The following ARID1B variants were observed in gnomAD, a reference collection of about 807,000 sequenced individuals.
ARID1B encodes AT-rich interactive domain-containing protein 1B.
ARID1B carries 30 observed loss-of-function variants against 212.3 expected under a neutral mutation model. That is an observed-to-expected ratio of 0.14 (90% CI 0.11 to 0.19). The LOEUF is 0.19. Among genes scored for constraint, ARID1B ranks in the 10% least tolerant of loss-of-function variants. ARID1B has a pLI of 1.00. For missense variants in ARID1B, 2,891 were observed against 3,204.0 expected, an observed-to-expected ratio of 0.90 and a Z score of 2.36; for synonymous variants, 1,402 against 1,301.7, an observed-to-expected ratio of 1.08 and a Z score of -1.66.
intron 2 of ARID1B, among the ~76,000 whole-genome samples, chr6:156,893,403 C>T (rs964848597): frequency 2.8e-4 from 42 of 152,216 alleles, no homozygotes; most frequent in African/African-American, 9.9e-4. Context: ...ACACCAAAAG[C>T]ATAGGCAACA....
At chr6:156,963,611 G>C (rs916785965) in intron 4 of ARID1B, among the ~76,000 whole-genome samples, 9 of 152,148 alleles carry the variant, frequency 5.9e-5, no homozygotes, top group African/African-American at 2.2e-4. Flanking sequence ...TTAGTGTTCA[G>C]AATGATACTT....
At chr6:157,147,018 T>A (rs1433199902) in intron 7 of ARID1B, among the ~76,000 whole-genome samples, 1 of 152,122 alleles carries the variant, frequency 6.6e-6, no homozygotes, top group Non-Finnish European at 1.5e-5. Flanking sequence ...TTCATGTGGT[T>A]ATTGGAAGAA....
intron 4 of ARID1B, among the ~76,000 whole-genome samples, chr6:157,042,829 T>G (rs1204396567): frequency 1.3e-5 from 2 of 152,014 alleles, no homozygotes; most frequent in Admixed American, 6.5e-5. Flanking sequence ...CAGCTAAGTT[T>G]TTTGTATTTT....
At chr6:157,112,326 A>C (rs1230484061) in intron 6 of ARID1B, among the ~76,000 whole-genome samples, 1 of 152,120 alleles carries the variant, frequency 6.6e-6, no homozygotes, top group Non-Finnish European at 1.5e-5. Flanking sequence ...AGAAGTTTAT[A>C]GTGTACTGGT....
intron 4 of ARID1B, among the ~76,000 whole-genome samples, chr6:156,982,613 C>G (rs1777674271): frequency 1.3e-5 from 2 of 151,864 alleles, no homozygotes; most frequent in South Asian, 4.1e-4. Context: ...ACTGATTTTT[C>G]TTTTCTGTTA....
Position 156,944,885 on chromosome 6 carries a change from C to A in ARID1B, c.2247+9309C>A, listed in dbSNP as rs1229534200. ...TTTTCCTGGAGAATGCCTCCTGCAT[C>A]CCCTGCAAGCTTTTTCTTCTTCTTC... On this transcript the variant is annotated intron_variant, in intron 4 of 19. Coordinates refer to ENST00000636930, the MANE Select transcript of ARID1B (RefSeq NM_001374828.1). Among the ~76,000 whole-genome samples the A allele has an allele frequency of 2.0e-5, 3 of 151,940 alleles. No individual in the cohort carries two copies. In the East Asian group the frequency reaches 5.8e-4, roughly 29 times the overall value.
intron 15 of ARID1B, among the ~76,000 whole-genome samples, chr6:157,191,541 G>A (rs962952405): frequency 6.6e-6 from 1 of 152,120 alleles, no homozygotes; most frequent in Non-Finnish European, 1.5e-5. Context: ...GAGTGCAGAA[G>A]TTTATGACTG....
intron 15 of ARID1B, among the ~76,000 whole-genome samples, chr6:157,193,317 C>T (rs963256764): frequency 4.6e-5 from 7 of 151,958 alleles, no homozygotes; most frequent in African/African-American, 1.2e-4. Flanking sequence ...AATGTTTCTG[C>T]GAAATAGATT....
Position 157,084,792 on chromosome 6 carries a change from A to G in ARID1B, c.2378A>G (p.His793Arg), listed in dbSNP as rs758625736. ...SNPAQSPFSPHASPHLSSIPG... is the reference protein window; with the variant it reads ...SNPAQSPFSPRASPHLSSIPG... The stretch of plus-strand genomic sequence containing the variant: ...CCGGCGCAGTCGCCTTTCTCCCCAC[A>G]TGCGTCCCCTCATCTCTCCAGCATC... The change falls in exon 5 of 20, where the codon CAT becomes CGT. Residue 793 changes from histidine (H) to arginine (R), a missense_variant. By Grantham distance (29) the His-to-Arg change is conservative. Coordinates refer to ENST00000636930, the MANE Select transcript of ARID1B (RefSeq NM_001374828.1). The G allele has an allele frequency of 6.2e-7, 1 of 1,613,918 alleles. No individual in the cohort carries two copies. Among genetic ancestry groups the G allele is most frequent in the South Asian group, 1.1e-5 (1 of 91,048 alleles).
chr6:157,152,181 A>C (rs1790246987), intron 8 of ARID1B: 1 of 152,218 alleles, frequency 6.6e-6, no homozygotes, highest in Non-Finnish European at 1.5e-5. Flanking sequence ...TACCAACTCC[A>C]GAGGCCTCTT....
intron 13 of ARID1B, chr6:157,185,232 A>T (rs1313748681): frequency 6.6e-6 from 1 of 152,280 alleles, no homozygotes; most frequent in East Asian, 1.9e-4. Flanking sequence ...TAAATGCAAT[A>T]GTAGAGAGGG....
At chr6:157,020,445 T>C (rs1780156755) in intron 4 of ARID1B, among the ~76,000 whole-genome samples, 2 of 152,196 alleles carry the variant, frequency 1.3e-5, no homozygotes, top group African/African-American at 4.8e-5. Context: ...CCTAAAAATA[T>C]ATATTTAATA....
Position 156,779,677 on chromosome 6 carries a change from T to G in ARID1B, c.1791+206T>G, listed in dbSNP as rs538765400. 1.3e-4 allele frequency: 39 copies of G among 291,630 alleles called. No homozygotes were observed. In the South Asian group the frequency reaches 2.9e-3, roughly 22 times the overall value. The allele number at this position is 291,630 out of a possible 1,614,324, so 18.1% of individuals were successfully genotyped here. On this transcript the variant is annotated intron_variant, in intron 1 of 19. Coordinates refer to ENST00000636930, the MANE Select transcript of ARID1B (RefSeq NM_001374828.1). Reference sequence around the variant, plus strand: ...GCGCGCTGTCCAGGCCTGGGAGGGCTTCGCCGGGCCGGGCCGGGCCGGGTG... The same window carrying G: ...GCGCGCTGTCCAGGCCTGGGAGGGCGTCGCCGGGCCGGGCCGGGCCGGGTG...
intron 5 of ARID1B, among the ~76,000 whole-genome samples, chr6:157,098,780 T>C (rs77735835): frequency 0.055 from 8,356 of 152,122 alleles, 349 homozygotes; most frequent in Non-Finnish European, 0.086. Context: ...CTGAGTGGAG[T>C]GGCAAGTGCA....
chr6:156,965,333 C>T (rs1029772528), intron 4 of ARID1B, among the ~76,000 whole-genome samples: 1 of 152,194 alleles, frequency 6.6e-6, no homozygotes, highest in African/African-American at 2.4e-5. Flanking sequence ...TTCCACCCTT[C>T]ATGAAGGCAC....
intron 4 of ARID1B, among the ~76,000 whole-genome samples, chr6:157,048,263 T>A (rs1340736446): frequency 6.6e-6 from 1 of 152,222 alleles, no homozygotes; most frequent in African/African-American, 2.4e-5. Flanking sequence ...GGATGATTTT[T>A]AAAAATCAGA....
In ARID1B at chr6:157,196,946, G is replaced by A. The variant is rs975417481; in HGVS notation, c.4382+631G>A. Reference sequence around the variant, plus strand: ...TTAAACTTGCAAGTTAAAATGGCAAGTTCAGCTGCAGGACTGATGATGCAG... The same window carrying A: ...TTAAACTTGCAAGTTAAAATGGCAAATTCAGCTGCAGGACTGATGATGCAG... On this transcript the variant is annotated intron_variant, in intron 16 of 19. Coordinates refer to ENST00000636930, the MANE Select transcript of ARID1B (RefSeq NM_001374828.1). 2.0e-5 allele frequency among the ~76,000 whole-genome samples: 3 copies of A among 152,210 alleles called. No homozygotes were observed. In the South Asian group the frequency reaches 6.2e-4, roughly 32 times the overall value.
intron 6 of ARID1B, among the ~76,000 whole-genome samples, chr6:157,116,345 A>C (rs1369478394): frequency 2.0e-5 from 3 of 151,834 alleles, no homozygotes; most frequent in African/African-American, 7.3e-5. Flanking sequence ...AATTTTTCGA[A>C]AACCTTCTAA....
chr6:157,040,964 C>G (rs1198511588), intron 4 of ARID1B, among the ~76,000 whole-genome samples: 2 of 152,080 alleles, frequency 1.3e-5, no homozygotes, highest in East Asian at 3.8e-4. Context: ...TGTTTCTATA[C>G]AGGTCTAATT....
Sources: allele counts gnomAD v4.1 joint callset (sites outside exome capture counted in the v4.1 genomes callset), GRCh38; gene constraint gnomAD v4.1.1; transcripts MANE v1.5; gene names NCBI Gene and HGNC (gene_info 2026-07-23, HGNC 2026-07-21).